Variants in CCSER1 observed in about 807,000 individuals in gnomAD.
CCSER1 encodes the protein serine-rich coiled-coil domain-containing protein 1.
In CCSER1, 41 loss-of-function variants were observed where a neutral mutation model predicts 82.0. That is an observed-to-expected ratio of 0.50 (90% confidence interval 0.39 to 0.65). The LOEUF is 0.65. Among genes scored for constraint, CCSER1 ranks in the 30% least tolerant of loss-of-function variants. CCSER1 has a pLI of 0.00. For synonymous variants in CCSER1, 414 were observed against 383.9 expected (o/e 1.08, Z -0.92); for missense variants, 1,119 against 1,064.2 (o/e 1.05, Z -0.72).
chr4:91,130,488 A>G (rs1439962938), intron 10 of CCSER1, among the ~76,000 whole-genome samples: 1 of 151,882 alleles, frequency 6.6e-6, no homozygotes, highest in African/African-American at 2.4e-5. Context: ...TTTATTCACC[A>G]CTATACTTTG....
intron 4 of CCSER1, among the ~76,000 whole-genome samples, chr4:90,444,365 G>A (rs750664225): frequency 6.6e-6 from 1 of 152,008 alleles, no homozygotes; most frequent in Non-Finnish European, 1.5e-5. Flanking sequence ...GCACCCACAC[G>A]TTTGAAGCAT....
chr4:91,581,311 C>T (rs933658948), intron 10 of CCSER1, among the ~76,000 whole-genome samples: 3 of 151,668 alleles, frequency 2.0e-5, no homozygotes, highest in Non-Finnish European at 3.0e-5. Flanking sequence ...TTCATATACA[C>T]GTTTTTCTTG....
At chr4:90,411,784 G>C (rs1164059559) in intron 4 of CCSER1, among the ~76,000 whole-genome samples, 1 of 152,150 alleles carries the variant, frequency 6.6e-6, no homozygotes, top group African/African-American at 2.4e-5. Flanking sequence ...CAATCAGGCA[G>C]GGGAAGGAAA....
intron 6 of CCSER1, among the ~76,000 whole-genome samples, chr4:90,664,606 A>C (rs888340958): frequency 1.3e-5 from 2 of 152,202 alleles, no homozygotes; most frequent in East Asian, 1.9e-4. Context: ...TGGTTTAGAA[A>C]TAGAAACTAA....
chr4:90,876,138 C>G (rs1264019341), intron 8 of CCSER1, among the ~76,000 whole-genome samples: 1 of 151,942 alleles, frequency 6.6e-6, no homozygotes, highest in South Asian at 2.1e-4. Context: ...TTTTTCCCCT[C>G]TCTCCAGGAA....
intron 8 of CCSER1, among the ~76,000 whole-genome samples, chr4:90,822,391 T>C (rs1195950955): frequency 1.3e-5 from 2 of 152,092 alleles, no homozygotes; most frequent in Non-Finnish European, 2.9e-5. Flanking sequence ...CCGATCGGGG[T>C]AAAATGTATC....
At chr4:90,933,623 T>G (rs1730553829) in intron 9 of CCSER1, among the ~76,000 whole-genome samples, 1 of 152,048 alleles carries the variant, frequency 6.6e-6, no homozygotes. Context: ...TAAAAAGAAT[T>G]TATGTAATTC....
chr4:90,513,365 GA>G (rs1227895878), intron 5 of CCSER1, among the ~76,000 whole-genome samples: 1 of 152,168 alleles, frequency 6.6e-6, no homozygotes. Flanking sequence ...TTTCATCAAT[GA>G]ATTGTAGCTC....
At chr4:91,340,031 C>G (rs1054394811) in intron 10 of CCSER1, among the ~76,000 whole-genome samples, 1 of 151,982 alleles carries the variant, frequency 6.6e-6, no homozygotes, top group African/African-American at 2.4e-5. Flanking sequence ...GCAGGAGAAT[C>G]GCTTGAACCC....
intron 9 of CCSER1, among the ~76,000 whole-genome samples, chr4:90,991,543 A>C (rs143068533): frequency 6.6e-6 from 1 of 151,806 alleles, no homozygotes; most frequent in Non-Finnish European, 1.5e-5. Context: ...TCTTCTCTCT[A>C]TGTCAGTATG....
At position 91,605,203 on chromosome 4, in the gene CCSER1, G is replaced by T. The variant is rs1214844433; in HGVS notation, c.*6146G>T. 6.6e-6 allele frequency: 1 copy of T among 151,810 alleles called. No homozygotes were observed. Among genetic ancestry groups the T allele is most frequent in the Non-Finnish European group, 1.5e-5 (1 of 67,894 alleles). The allele number at this position is 151,810 out of a possible 1,614,324, so 9.4% of individuals were successfully genotyped here. ...TTATTTAATGAAAATTTCTCAATTT[G>T]GTTAATATTCTAAGAAAAGATTGAT... On this transcript the variant is annotated 3_prime_UTR_variant, in exon 11 of 11. Transcript: ENST00000509176.
intron 5 of CCSER1, among the ~76,000 whole-genome samples, chr4:90,528,496 ACTTTGT>A (rs1578978124): frequency 1.3e-5 from 2 of 152,178 alleles, no homozygotes; most frequent in Admixed American, 6.5e-5. Flanking sequence ...TTGATTTAGA[ACTTTGT>A]CTTTAGCAAT....
chr4:91,023,957 A>C (rs1313912403), intron 9 of CCSER1, among the ~76,000 whole-genome samples: 1 of 152,184 alleles, frequency 6.6e-6, no homozygotes, highest in East Asian at 1.9e-4. Context: ...AAATTCATTT[A>C]TTATATTTCT....
intron 1 of CCSER1, among the ~76,000 whole-genome samples, chr4:90,157,730 C>A (rs1009790231): frequency 6.6e-6 from 1 of 152,004 alleles, no homozygotes; most frequent in South Asian, 2.1e-4. Context: ...TCCATCAGCT[C>A]CTTTAAGCAC....
intron 9 of CCSER1, chr4:90,938,667 C>A: frequency 2.8e-6 from 1 of 352,336 alleles, no homozygotes; most frequent in Non-Finnish European, 5.8e-6. Flanking sequence ...TTGTTTTCTT[C>A]TTTTCAAGGC....
chr4:91,515,451 G>A (rs1171741943), intron 10 of CCSER1, among the ~76,000 whole-genome samples: 1 of 152,052 alleles, frequency 6.6e-6, no homozygotes, highest in Non-Finnish European at 1.5e-5. Flanking sequence ...AAGGACAACA[G>A]GCAGTATTTG....
chr4:90,577,947 A>C (rs1780945155), intron 5 of CCSER1, among the ~76,000 whole-genome samples: 1 of 152,048 alleles, frequency 6.6e-6, no homozygotes, highest in African/African-American at 2.4e-5. Context: ...TGCCTTGTGA[A>C]GCTTCATATT....
At chr4:90,927,698 A>G (rs1056992696) in intron 9 of CCSER1, among the ~76,000 whole-genome samples, 8 of 151,992 alleles carry the variant, frequency 5.3e-5, no homozygotes, top group African/African-American at 1.4e-4. Context: ...TTTCAATGCA[A>G]TTATCTGTGT....
chr4:91,070,177 G>A (rs1721283106), intron 9 of CCSER1, among the ~76,000 whole-genome samples: 1 of 151,848 alleles, frequency 6.6e-6, no homozygotes, highest in African/African-American at 2.4e-5. Flanking sequence ...AGTAGAGATG[G>A]GGTTTCACCA....
Sources: allele counts gnomAD v4.1 joint callset (sites outside exome capture counted in the v4.1 genomes callset), GRCh38; gene constraint gnomAD v4.1.1; transcripts MANE v1.5; gene names NCBI Gene and HGNC (gene_info 2026-07-23, HGNC 2026-07-21).